The following HECW2 variants were observed in gnomAD, a reference collection of about 807,000 sequenced individuals.
HECW2 encodes the protein HECT, C2 and WW domain containing E3 ubiquitin protein ligase 2, also known as E3 ubiquitin-protein ligase HECW2.
HECW2 carries 61 observed loss-of-function variants against 175.2 expected under a neutral mutation model. The ratio of observed to expected loss-of-function variants is 0.35; its 90% confidence interval spans 0.28 to 0.43. HECW2 has a LOEUF of 0.43. HECW2 is among the 20% of genes least tolerant of loss of function. The pLI is 1.00. For synonymous variants in HECW2, 671 were observed against 731.0 expected, an observed-to-expected ratio of 0.92 and a Z score of 1.32; for missense variants, 1,524 against 2,000.5, an observed-to-expected ratio of 0.76 and a Z score of 4.54.
chr2:196,334,637 CT>C (rs1692484979), intron 3 of HECW2, 119 bp from the exon 4 acceptor site: 1 of 734,062 alleles, frequency 1.4e-6, no homozygotes, highest in East Asian at 2.7e-5. Context: ...TGAATGACCT[CT>C]TTTTTCCACT....
chr2:196,540,113 C>T (rs1689161797), intron 1 of HECW2, among the ~76,000 whole-genome samples: 2 of 152,088 alleles, frequency 1.3e-5, no homozygotes, highest in African/African-American at 2.4e-5. Context: ...TTGAGTTGTA[C>T]TATATTTTTG....
intron 1 of HECW2, among the ~76,000 whole-genome samples, chr2:196,565,547 C>A (rs1266687282): frequency 1.3e-5 from 2 of 152,174 alleles, no homozygotes; most frequent in African/African-American, 4.8e-5. Context: ...TGGATACAGA[C>A]TGCTTTAACC....
At chr2:196,283,984 T>A (rs1248884704) in intron 14 of HECW2, among the ~76,000 whole-genome samples, 2 of 152,186 alleles carry the variant, frequency 1.3e-5, no homozygotes, top group African/African-American at 4.8e-5. Context: ...ATGAGCAATA[T>A]CTTTTTCCCC....
intron 22 of HECW2, among the ~76,000 whole-genome samples, chr2:196,226,081 T>C (rs112117665): frequency 2.4e-3 from 365 of 152,344 alleles, no homozygotes; most frequent in African/African-American, 8.2e-3. Context: ...AAATGTCATG[T>C]TGAATTGCAA....
intron 1 of HECW2, among the ~76,000 whole-genome samples, chr2:196,461,581 G>A (rs1477993552): frequency 1.3e-5 from 2 of 152,206 alleles, no homozygotes; most frequent in Admixed American, 6.5e-5. Context: ...CCAAGACTGG[G>A]TAATTTATAA....
intron 14 of HECW2, among the ~76,000 whole-genome samples, chr2:196,286,387 C>CATATATAT (rs201658582): frequency 7.3e-6 from 1 of 137,604 alleles, no homozygotes; most frequent in Non-Finnish European, 1.6e-5. Context: ...AGATGGAGGT[C>CATATATAT]ATATATATAT....
intron 3 of HECW2, among the ~76,000 whole-genome samples, chr2:196,337,790 C>A (rs1313624751): frequency 1.3e-5 from 2 of 151,268 alleles, no homozygotes; most frequent in Non-Finnish European, 3.0e-5. Flanking sequence ...CTGTAAGGAC[C>A]TGATATCGGC....
rs936358725 is a variant in HECW2 at position 196,194,572 on chromosome 2, T to C, written c.*6705A>G. On this transcript the variant is annotated 3_prime_UTR_variant, in exon 29 of 29. Coordinates refer to ENST00000644978, the MANE Select transcript of HECW2 (RefSeq NM_001348768.2). ...ATAAGAATACAGACTTCCCAGAAAA[T>C]AAACAACTAGTCCCAGTTCAGAGTC... The C allele has an allele frequency of 4.6e-5, 7 of 151,634 alleles. No homozygotes were observed. The highest frequency in any genetic ancestry group is 4.6e-4 in the Admixed American group (7 of 15,242). 9.4% of individuals were successfully genotyped at this position (151,634 alleles called of 1,614,324 possible).
intron 1 of HECW2, among the ~76,000 whole-genome samples, chr2:196,531,011 C>T (rs753053062): frequency 5.3e-5 from 8 of 152,162 alleles, no homozygotes; most frequent in Non-Finnish European, 1.2e-4. Flanking sequence ...TCACTTCCTC[C>T]GCAATATTAT....
chr2:196,443,754 G>T (rs1162956556), intron 1 of HECW2, among the ~76,000 whole-genome samples: 1 of 152,188 alleles, frequency 6.6e-6, no homozygotes, highest in Non-Finnish European at 1.5e-5. Context: ...TACTAACCAG[G>T]CACTGTGGCT....
intron 6 of HECW2, among the ~76,000 whole-genome samples, chr2:196,324,674 A>G (rs956753586): frequency 3.3e-5 from 5 of 152,126 alleles, no homozygotes; most frequent in African/African-American, 1.2e-4. Flanking sequence ...TTAAATGTTC[A>G]TATTTTATTC....
chr2:196,242,052 T>C (rs1305667901), intron 20 of HECW2, 32 bp downstream of exon 20: 4 of 1,608,940 alleles, frequency 2.5e-6, no homozygotes, highest in African/African-American at 1.3e-5. Context: ...TCACCATCTA[T>C]ACATTATGTG....
At chr2:196,527,500 C>G (rs989007104) in intron 1 of HECW2, among the ~76,000 whole-genome samples, 2 of 152,180 alleles carry the variant, frequency 1.3e-5, no homozygotes, top group Non-Finnish European at 2.9e-5. Context: ...CTTGGCTCCT[C>G]GAATCCCTTC....
At position 196,433,215 on chromosome 2, in the gene HECW2, A is replaced by T. The variant is rs1029318842; in HGVS notation, c.209T>A (p.Leu70Gln). The T allele has an allele frequency of 6.2e-7, 1 of 1,614,060 alleles. No individual in the cohort carries two copies. The highest frequency in any genetic ancestry group is 8.5e-7 in the Non-Finnish European group (1 of 1,180,028). The change falls in exon 2 of 29, where the codon CTG becomes CAG. Residue 70 changes from leucine to glutamine, a missense_variant. Physicochemically the swap from Leu to Gln is moderately radical, Grantham distance 113. This residue lies in a region of HECW2 where 135 missense variants were observed against 214.6 expected (regional missense o/e 0.63). Coordinates refer to ENST00000644978, the MANE Select transcript of HECW2 (RefSeq NM_001348768.2). Reference protein sequence around the residue: ...SLTASMYEYTLGQAQNLIIFW... With the variant: ...SLTASMYEYTQGQAQNLIIFW... Reference sequence around the variant, plus strand: ...GATAATGAGGTTCTGGGCTTGCCCCAGCGTGTACTCGTACATGCTGGCAGT... The same window carrying T: ...GATAATGAGGTTCTGGGCTTGCCCCTGCGTGTACTCGTACATGCTGGCAGT...
At chr2:196,473,934 G>A (rs1308032289) in intron 1 of HECW2, among the ~76,000 whole-genome samples, 2 of 152,244 alleles carry the variant, frequency 1.3e-5, no homozygotes, top group African/African-American at 4.8e-5. Flanking sequence ...AAATGTGAGT[G>A]AGAGTGTGGG....
intron 1 of HECW2, among the ~76,000 whole-genome samples, chr2:196,540,412 A>C (rs1266722743): frequency 1.3e-5 from 2 of 152,060 alleles, no homozygotes; most frequent in South Asian, 2.1e-4. Flanking sequence ...TTTGTGTTTA[A>C]GGAATATAAT....
chr2:196,309,425 T>C (rs141646112), intron 10 of HECW2, among the ~76,000 whole-genome samples: 1 of 152,310 alleles, frequency 6.6e-6, no homozygotes, highest in Admixed American at 6.5e-5. Flanking sequence ...CAAATCTGAA[T>C]TCTTTGGGCA....
intron 2 of HECW2, among the ~76,000 whole-genome samples, chr2:196,387,147 A>G (rs1422945691): frequency 6.6e-6 from 1 of 152,208 alleles, no homozygotes. Flanking sequence ...CAGACAGTTA[A>G]AGCAGTATTA....
intron 18 of HECW2, among the ~76,000 whole-genome samples, chr2:196,257,281 G>T (rs1292931988): frequency 1.3e-5 from 2 of 149,566 alleles, no homozygotes; most frequent in Admixed American, 6.6e-5. Flanking sequence ...GGAGGGTGAG[G>T]GGCGGGGGTG....
Sources: allele counts gnomAD v4.1 joint callset (sites outside exome capture counted in the v4.1 genomes callset), GRCh38; gene constraint gnomAD v4.1.1; regional missense constraint gnomAD v4.1.1; transcripts MANE v1.5; gene names NCBI Gene and HGNC (gene_info 2026-07-23, HGNC 2026-07-21).